Variants in TESMIN observed in about 807,000 individuals in gnomAD.
The protein encoded by TESMIN is CXC domain containing 2.
Under a neutral mutation model 47.4 loss-of-function variants are expected in TESMIN, and 34 were observed. That is an observed-to-expected ratio of 0.72 (90% CI 0.55 to 0.96). The LOEUF (loss-of-function observed/expected upper bound fraction) is 0.96, where lower values mean the gene tolerates loss of function less well. TESMIN is among the 40% of genes least tolerant of loss of function. The probability of loss-of-function intolerance (pLI) is 0.00; values close to 1 mark genes in which losing one functional copy is unlikely to be tolerated. For missense variants in TESMIN, 610 were observed against 637.2 expected (o/e 0.96, Z 0.46); for synonymous variants, 278 against 258.9 (o/e 1.07, Z -0.71).
rs776561783 is a variant in TESMIN, at chr11:68,745,128, C to G, written c.631-17G>C. 1 of 1,573,228 alleles carries G rather than the reference C, an allele frequency of 6.4e-7. No homozygotes were observed. The highest frequency in any genetic ancestry group is 8.6e-7 in the Non-Finnish European group (1 of 1,169,354). ...GCATATCACCTAAAATGAAAAAGAA[C>G]AATCAGGTTTCATTTTTGAAACATA... On this transcript the variant is annotated splice_polypyrimidine_tract_variant and intron_variant, in intron 3 of 9. Coordinates refer to ENST00000255087, the MANE Select transcript of TESMIN (RefSeq NM_004923.3).
chr11:68,721,313 C>T (rs1366207149), intron 6 of TESMIN, among the ~76,000 whole-genome samples: 1 of 152,126 alleles, frequency 6.6e-6, no homozygotes, highest in South Asian at 2.1e-4. Context: ...CTGCTGTTTC[C>T]TCTGCCTACA....
At chr11:68,738,202 G>C in intron 6 of TESMIN, 1 of 987,394 alleles carries the variant, frequency 1.0e-6, no homozygotes, top group East Asian at 1.1e-4. Flanking sequence ...TGCAGCCTAT[G>C]TCCACCTGGA....
chr11:68,707,773 C>T lies in TESMIN; in HGVS notation c.*535G>A, dbSNP rs1251779797. On this transcript the variant is annotated 3_prime_UTR_variant, in exon 10 of 10. Transcript: ENST00000255087. ...TCGCGTGCCTCTGGGGAAATATCTA[C>T]GCTACAGAAAATCTTTAGGTGTTCA... is the stretch of plus-strand genomic sequence containing the variant. 6.6e-6 allele frequency: 3 copies of T among 454,174 alleles called. No homozygotes were observed. The highest frequency in any genetic ancestry group is 7.0e-5 in the East Asian group (1 of 14,366). The allele number at this position is 454,174 out of a possible 1,614,324, so 28.1% of individuals were successfully genotyped here.
At chr11:68,716,927 C>T (rs1033822436) in intron 6 of TESMIN, among the ~76,000 whole-genome samples, 3 of 152,184 alleles carry the variant, frequency 2.0e-5, no homozygotes, top group African/African-American at 4.8e-5. Flanking sequence ...GCTTCCAACT[C>T]GTTTTCCACA....
intron 5 of TESMIN, 105 bp from the exon 6 acceptor site, chr11:68,738,893 TA>T: frequency 1.1e-6 from 1 of 913,782 alleles, no homozygotes; most frequent in Non-Finnish European, 1.7e-6. Context: ...CCTAAAGGTT[TA>T]CATCACCATC....
Position 68,745,082 on chromosome 11 carries a change from T to G in TESMIN, c.660A>C (p.Gln220His). The change falls in exon 4 of 10, where the codon CAA becomes CAC. Residue 220 changes from glutamine (Q) to histidine (H), a missense_variant. Transcript: ENST00000255087. ...MVICQLKGGT[Q>H]MLCIDNSRTR... ...TTCTAGAATTGTCTATACATAGCAT[T>G]TGTGTGCCCCCTTTCAATTGGCATA... The G allele has an allele frequency of 1.3e-6, 2 of 1,584,738 alleles. No homozygotes were observed. Among genetic ancestry groups the G allele is most frequent in the Non-Finnish European group, 1.7e-6 (2 of 1,172,874 alleles).
At chr11:68,713,724 A>C (rs1202505528) in intron 7 of TESMIN, among the ~76,000 whole-genome samples, 2 of 152,126 alleles carry the variant, frequency 1.3e-5, no homozygotes, top group African/African-American at 4.8e-5. Flanking sequence ...TCCATCCAGC[A>C]TTTCTGGGGC....
chr11:68,748,155 T>A (rs182957181), intron 2 of TESMIN, among the ~76,000 whole-genome samples: 265 of 152,244 alleles, frequency 1.7e-3, no homozygotes, highest in African/African-American at 5.5e-3. Context: ...GGCTCTAAGG[T>A]AACATACTGA....
intron 7 of TESMIN, among the ~76,000 whole-genome samples, chr11:68,715,207 T>C (rs1245596918): frequency 6.6e-6 from 1 of 152,206 alleles, no homozygotes; most frequent in East Asian, 1.9e-4. Context: ...CTGGAGTAGG[T>C]TGACAGCCTT....
chr11:68,733,837 A>C (rs995097480), intron 6 of TESMIN: 1 of 152,206 alleles, frequency 6.6e-6, no homozygotes, highest in Non-Finnish European at 1.5e-5. Context: ...CCAGATCGTT[A>C]TAGGTATTAT....
chr11:68,719,968 C>A (rs772913108), intron 6 of TESMIN, among the ~76,000 whole-genome samples: 6 of 152,008 alleles, frequency 3.9e-5, no homozygotes, highest in Non-Finnish European at 8.8e-5. Context: ...ATTTAGGAAA[C>A]CTAATGAACT....
intron 7 of TESMIN, among the ~76,000 whole-genome samples, chr11:68,714,424 C>T (rs1311665171): frequency 2.0e-5 from 3 of 152,228 alleles, no homozygotes; most frequent in Admixed American, 6.5e-5. Context: ...AGAGGACAGG[C>T]GGCCCCACAG....
In TESMIN at chr11:68,723,875, A is replaced by G. The variant is rs188084553; in HGVS notation, c.918-7936T>C. Among the ~76,000 whole-genome samples, 327 of 152,342 alleles carry G rather than the reference A, an allele frequency of 2.1e-3. 1 individual carries two copies. Among genetic ancestry groups the G allele is most frequent in the African/African-American group, 7.4e-3 (308 of 41,586 alleles). On this transcript the variant is annotated intron_variant, in intron 6 of 9. Coordinates refer to ENST00000255087, the MANE Select transcript of TESMIN (RefSeq NM_004923.3). ...AACTACAAAAGAAAGTGAATGAGTA[A>G]CCTATCACCTTCACCACTCCAACTC...
At chr11:68,739,538 A>T (rs1946432066) in intron 5 of TESMIN, among the ~76,000 whole-genome samples, 1 of 152,222 alleles carries the variant, frequency 6.6e-6, no homozygotes, top group Non-Finnish European at 1.5e-5. Context: ...TCTTTAAATA[A>T]ATTTATTTTT....
downstream of TESMIN, among the ~76,000 whole-genome samples, chr11:68,706,583 G>T (rs1232627029): frequency 3.3e-5 from 5 of 152,200 alleles, no homozygotes; most frequent in African/African-American, 1.2e-4. Flanking sequence ...CTGTGCTGAG[G>T]CGCCCGAACC....
intron 5 of TESMIN, among the ~76,000 whole-genome samples, chr11:68,739,833 T>C (rs1473750506): frequency 2.0e-5 from 3 of 152,240 alleles, no homozygotes; most frequent in Non-Finnish European, 4.4e-5. Flanking sequence ...GGACACCTAA[T>C]TGTTAGGCCC....
At chr11:68,733,230 C>G (rs1345148421) in intron 6 of TESMIN, among the ~76,000 whole-genome samples, 1 of 152,186 alleles carries the variant, frequency 6.6e-6, no homozygotes, top group Non-Finnish European at 1.5e-5. Flanking sequence ...GACCACACCT[C>G]CTGGCTGGGG....
At chr11:68,747,065 G>T in intron 3 of TESMIN, 143 bp downstream of exon 3, 1 of 816,380 alleles carries the variant, frequency 1.2e-6, no homozygotes, top group Non-Finnish European at 2.0e-6. Context: ...TCATGTCCCT[G>T]TTTTGCTAAT....
intron 6 of TESMIN, among the ~76,000 whole-genome samples, chr11:68,717,315 C>A (rs1946151647): frequency 6.6e-6 from 1 of 152,156 alleles, no homozygotes; most frequent in African/African-American, 2.4e-5. Flanking sequence ...TCCCTAGGGA[C>A]CCGGAGCTTG....
Sources: gnomAD v4.1 joint callset for allele counts (sites outside exome capture counted in the v4.1 genomes callset) on GRCh38, gnomAD v4.1.1 for gene constraint, MANE v1.5 for transcripts, NCBI Gene and HGNC (gene_info 2026-07-23, HGNC 2026-07-21) for gene names.